Variants in DOCK4 observed in about 807,000 individuals in gnomAD.
The protein encoded by DOCK4 is dedicator of cytokinesis 4.
A neutral mutation model predicts 268.1 loss-of-function variants in DOCK4; 97 were observed. The ratio of observed to expected loss-of-function variants is 0.36; its 90% CI spans 0.31 to 0.43. The LOEUF is 0.43. Ranked by LOEUF, DOCK4 falls within the 20% of genes least tolerant of loss-of-function variation. The pLI, the probability that DOCK4 is intolerant of heterozygous loss-of-function variation, is 1.00. For missense variants in DOCK4, 2,145 were observed against 2,455.7 expected (o/e 0.87, Z 2.67); for synonymous variants, 954 against 887.2 (o/e 1.08, Z -1.34).
At chr7:112,162,930 T>G (rs1375366517) in intron 1 of DOCK4, among the ~76,000 whole-genome samples, 1 of 152,222 alleles carries the variant, frequency 6.6e-6, no homozygotes, top group Non-Finnish European at 1.5e-5. Flanking sequence ...CAGACACTTC[T>G]TTGTAACAGA....
At chr7:112,143,893 G>A (rs536659842) in intron 1 of DOCK4, among the ~76,000 whole-genome samples, 2 of 152,082 alleles carry the variant, frequency 1.3e-5, no homozygotes, top group Non-Finnish European at 2.9e-5. Flanking sequence ...GTTTTGATTC[G>A]GATCATCTGT....
intron 27 of DOCK4, among the ~76,000 whole-genome samples, chr7:111,812,206 A>T (rs1484358266): frequency 6.6e-6 from 1 of 152,218 alleles, no homozygotes; most frequent in Non-Finnish European, 1.5e-5. Context: ...GAAATATATT[A>T]TCACCTTGAT....
chr7:111,773,560 T>C (rs1435608342), intron 36 of DOCK4, among the ~76,000 whole-genome samples: 1 of 152,236 alleles, frequency 6.6e-6, no homozygotes, highest in Non-Finnish European at 1.5e-5. Flanking sequence ...AAAAGTTTAC[T>C]GTTTTTTTTC....
intron 1 of DOCK4, among the ~76,000 whole-genome samples, chr7:112,014,905 G>A (rs749578056): frequency 6.6e-6 from 1 of 152,026 alleles, no homozygotes; most frequent in Non-Finnish European, 1.5e-5. Flanking sequence ...ATCCTGTCTC[G>A]AAAGGAAGAA....
intron 28 of DOCK4, 126 bp from the exon 29 acceptor site, chr7:111,809,527 G>A: frequency 8.8e-6 from 6 of 681,030 alleles, no homozygotes; most frequent in Non-Finnish European, 1.5e-5. Context: ...CTGACCATGA[G>A]TTGATAATAG....
intron 1 of DOCK4, among the ~76,000 whole-genome samples, chr7:112,040,473 C>A (rs1304570822): frequency 1.3e-5 from 2 of 152,104 alleles, no homozygotes; most frequent in African/African-American, 4.8e-5. Context: ...CAGTGAACCA[C>A]TATAGACATT....
chr7:111,902,840 G>T (rs1284783578), intron 13 of DOCK4, among the ~76,000 whole-genome samples: 1 of 151,968 alleles, frequency 6.6e-6, no homozygotes, highest in African/African-American at 2.4e-5. Flanking sequence ...TGGGATCTTG[G>T]CTCACTGCAA....
intron 8 of DOCK4, among the ~76,000 whole-genome samples, chr7:111,963,339 A>AGT (rs1444421867): frequency 7.2e-6 from 1 of 139,194 alleles, no homozygotes; most frequent in African/African-American, 2.9e-5. Context: ...GGCGCAGGCC[A>AGT]GTGTGTGTGC....
intron 13 of DOCK4, among the ~76,000 whole-genome samples, chr7:111,910,026 A>G (rs1453320530): frequency 6.6e-6 from 1 of 152,200 alleles, no homozygotes; most frequent in Admixed American, 6.5e-5. Flanking sequence ...ACCTACTAAA[A>G]GTGAATGCAC....
chr7:112,026,405 C>CA (rs1336463551), intron 1 of DOCK4, among the ~76,000 whole-genome samples: 2 of 152,160 alleles, frequency 1.3e-5, no homozygotes, highest in African/African-American at 4.8e-5. Context: ...ACATCCCCCC[C>CA]ACTCACCCTT....
intron 1 of DOCK4, among the ~76,000 whole-genome samples, chr7:112,021,964 T>C: frequency 6.6e-6 from 1 of 152,196 alleles, no homozygotes; most frequent in Non-Finnish European, 1.5e-5. Context: ...TGAAAAAATA[T>C]GCATATGATT....
chr7:111,897,636 C>A (rs1432762182), intron 15 of DOCK4, among the ~76,000 whole-genome samples: 1 of 152,126 alleles, frequency 6.6e-6, no homozygotes, highest in Non-Finnish European at 1.5e-5. Flanking sequence ...AGTATCTACA[C>A]CATGGAAATC....
At chr7:111,760,078 G>A in intron 40 of DOCK4, 103 bp downstream of exon 40, 7 of 1,402,112 alleles carry the variant, frequency 5.0e-6, no homozygotes, top group Non-Finnish European at 6.9e-6. Context: ...TAACGATGTG[G>A]CTATTGAAAA....
At position 111,945,483 on chromosome 7, in the gene DOCK4, G is replaced by A. The variant is rs369397859; in HGVS notation, c.783+234C>T. 5.3e-5 allele frequency among the ~76,000 whole-genome samples: 8 copies of A among 152,248 alleles called. No homozygotes were observed. The East Asian group carries it at 5.8e-4, about 11-fold the overall frequency. On this transcript the variant is annotated intron_variant, in intron 9 of 52. Coordinates refer to ENST00000428084, the MANE Select transcript of DOCK4 (RefSeq NM_001363540.2). Reference sequence around the variant, plus strand: ...TTATAGGCATGAGCCACCGTGCCCCGCAATCACTGTTATACTTTGGTAATA... The same window carrying A: ...TTATAGGCATGAGCCACCGTGCCCCACAATCACTGTTATACTTTGGTAATA...
chr7:111,893,400 G>C (rs1180108344), intron 16 of DOCK4, among the ~76,000 whole-genome samples: 1 of 152,214 alleles, frequency 6.6e-6, no homozygotes, highest in Admixed American at 6.5e-5. Context: ...ACAGGGTCCA[G>C]ATGGGATATA....
At chr7:112,076,624 T>C (rs1459361939) in intron 1 of DOCK4, among the ~76,000 whole-genome samples, 2 of 152,194 alleles carry the variant, frequency 1.3e-5, no homozygotes, top group Non-Finnish European at 2.9e-5. Context: ...AAACCTCATC[T>C]TGTTGGGAAG....
At chr7:111,855,284 C>G (rs189790531) in intron 23 of DOCK4, among the ~76,000 whole-genome samples, 1 of 152,060 alleles carries the variant, frequency 6.6e-6, no homozygotes, top group South Asian at 2.1e-4. Flanking sequence ...AGAGAAAAGA[C>G]AGAGGCAGCT....
intron 45 of DOCK4, 32 bp from the exon 46 acceptor site, chr7:111,741,693 C>A (rs1795929558): frequency 6.2e-7 from 1 of 1,605,846 alleles, no homozygotes; most frequent in Non-Finnish European, 8.5e-7. Context: ...TATCTCATTA[C>A]AGTAATGATT....
At chr7:111,949,842 A>C (rs1181945037) in intron 8 of DOCK4, among the ~76,000 whole-genome samples, 1 of 152,246 alleles carries the variant, frequency 6.6e-6, no homozygotes, top group Non-Finnish European at 1.5e-5. Flanking sequence ...TTACTCACCC[A>C]CACTGAAATG....
Sources: gnomAD v4.1 joint callset for allele counts (sites outside exome capture counted in the v4.1 genomes callset) on GRCh38, gnomAD v4.1.1 for gene constraint, MANE v1.5 for transcripts, NCBI Gene and HGNC (gene_info 2026-07-23, HGNC 2026-07-21) for gene names.